The following PHLDB1 variants were observed in gnomAD, a reference collection of about 807,000 sequenced individuals.
PHLDB1 encodes pleckstrin homology-like domain family B member 1.
Under a neutral mutation model 139.3 loss-of-function variants are expected in PHLDB1, and 65 were observed. That is an observed-to-expected ratio of 0.47 (90% CI 0.38 to 0.57). The LOEUF (loss-of-function observed/expected upper bound fraction) is 0.57. PHLDB1 is among the 20% of genes least tolerant of loss of function. The probability of loss-of-function intolerance (pLI) is 0.00; values close to 1 mark genes in which losing one functional copy is unlikely to be tolerated. For synonymous variants in PHLDB1, 679 were observed against 734.5 expected (o/e 0.92, Z 1.22); for missense variants, 1,624 against 1,839.7 (o/e 0.88, Z 2.14).
intron 6 of PHLDB1, among the ~76,000 whole-genome samples, chr11:118,630,253 A>G (rs934788529): frequency 6.6e-6 from 1 of 152,140 alleles, no homozygotes; most frequent in African/African-American, 2.4e-5. Flanking sequence ...GGAAAAGGCA[A>G]CAAAGACCAG....
In PHLDB1 at chr11:118,628,058, G is replaced by T; in HGVS notation, c.1235G>T (p.Ser412Ile). ...AGCCCTTTCCGTGAGCCTCCAGGCA[G>T]TGAGCGGGTGCTAACAACCAGCCCC... is the stretch of plus-strand genomic sequence containing the variant. The part of the protein sequence containing the change: ...PPSPFREPPG[S>I]ERVLTTSPSR... Residue 412 changes from serine to isoleucine, a missense_variant, in exon 6 of 23, where the codon AGT becomes ATT. Physicochemically the swap from Ser to Ile is moderately radical, Grantham distance 142. Transcript: ENST00000600882. 1 of 1,614,018 alleles carries T rather than the reference G, an allele frequency of 6.2e-7. No homozygotes were observed. Among genetic ancestry groups the T allele is most frequent in the Non-Finnish European group, 8.5e-7 (1 of 1,180,014 alleles).
intron 1 of PHLDB1, among the ~76,000 whole-genome samples, chr11:118,612,376 A>G (rs1156232379): frequency 6.6e-6 from 1 of 151,882 alleles, no homozygotes. Context: ...CCCATTCCCA[A>G]CCCACTCTCT....
intron 3 of PHLDB1, chr11:118,615,194 C>CAAAAAAAAAA (rs71041841): frequency 9.2e-5 from 6 of 65,558 alleles, no homozygotes; most frequent in East Asian, 4.5e-4. Context: ...GACTCTATCT[C>CAAAAAAAAAA]AAAAAAAAAA....
Position 118,632,980 on chromosome 11 carries a change from A to G in PHLDB1, c.2379+684A>G, listed in dbSNP as rs1258629784. Reference sequence around the variant, plus strand: ...GCCCTCAATTTTGAGAATCTTAAAAATTCTTTGACCCTTTTTTTTTTTTTT... The same window carrying G: ...GCCCTCAATTTTGAGAATCTTAAAAGTTCTTTGACCCTTTTTTTTTTTTTT... On this transcript the variant is annotated intron_variant, in intron 9 of 22. Coordinates refer to ENST00000600882, the MANE Select transcript of PHLDB1 (RefSeq NM_001144758.3). The surrounding 1 kb of genome is among the most constrained non-coding windows in gnomAD (Gnocchi z 5.9). The G allele has an allele frequency of 1.5e-5, 5 of 324,090 alleles. No individual in the cohort carries two copies. The highest frequency in any genetic ancestry group is 2.3e-5 in the African/African-American group (1 of 43,084). 20.1% of individuals were successfully genotyped at this position (324,090 alleles called of 1,614,324 possible).
At chr11:118,618,645 A>G (rs1407891971) in intron 4 of PHLDB1, among the ~76,000 whole-genome samples, 3 of 152,014 alleles carry the variant, frequency 2.0e-5, no homozygotes, top group African/African-American at 7.2e-5. Context: ...TCCTATGTGT[A>G]TATGAGACCC....
In PHLDB1 at chr11:118,625,022, G is replaced by C. The variant is rs782198030; in HGVS notation, c.444G>C (p.Gly148=). ...AKWMKSMIPA[G]GRAPGPPYSP... Reference sequence around the variant, plus strand: ...GGATGAAAAGCATGATTCCAGCAGGGGGCCGAGCCCCTGGGCCCCCCTACA... The same window carrying C: ...GGATGAAAAGCATGATTCCAGCAGGCGGCCGAGCCCCTGGGCCCCCCTACA... Residue 148 remains glycine (G), a synonymous_variant, in exon 5 of 23, where the codon GGG becomes GGC. Transcript: ENST00000600882. 7.4e-6 allele frequency: 12 copies of C among 1,613,498 alleles called. No homozygotes were observed. Among genetic ancestry groups the C allele is most frequent in the Non-Finnish European group, 1.0e-5 (12 of 1,179,594 alleles).
rs531715643 is a variant in PHLDB1, at chr11:118,627,728, G to A, written c.905G>A (p.Arg302His). The change falls in exon 6 of 23, where the codon CGC (arginine) becomes CAC (histidine). Residue 302 changes from arginine (R) to histidine (H), a missense_variant. Transcript: ENST00000600882. The stretch of plus-strand genomic sequence containing the variant: ...CTGGCCCTACAGCCCCCACAGTCCC[G>A]CCCAAGTGGTGCTCGCTCCGAGAGT... ...YHLALQPPQS[R>H]PSGARSESPR... The A allele has an allele frequency of 3.1e-6, 5 of 1,609,562 alleles. No individual in the cohort carries two copies. In the South Asian group the frequency reaches 3.3e-5, roughly 11 times the overall value.
At chr11:118,635,630 ACTTCGT>A in intron 10 of PHLDB1, 82 bp downstream of exon 10, 1 of 1,261,180 alleles carries the variant, frequency 7.9e-7, no homozygotes, top group Non-Finnish European at 1.1e-6. Context: ...ACAAAAGTTA[ACTTCGT>A]CTTTTGTGCC....
rs1555087047 is a variant in PHLDB1, at chr11:118,614,582, G to C, written c.84G>C (p.Glu28Asp). Residue 28 changes from glutamate (E) to aspartate (D), a missense_variant, in exon 3 of 23, where the codon GAG becomes GAC. Physicochemically the swap from Glu to Asp is conservative, Grantham distance 45 (BLOSUM62 2). Transcript: ENST00000600882. ...MVQKGPLDLIETGKGLKVQTD... is the reference protein window; with the variant it reads ...MVQKGPLDLIDTGKGLKVQTD... ...AGAAAGGACCCTTGGACCTGATCGA[G>C]ACAGGCAAAGGGCTGAAAGTGCAAA... 1.2e-6 allele frequency: 2 copies of C among 1,613,840 alleles called. No individual in the cohort carries two copies. Among genetic ancestry groups the C allele is most frequent in the Non-Finnish European group, 1.7e-6 (2 of 1,179,934 alleles).
In PHLDB1 at chr11:118,627,192, C is replaced by T. The variant is rs945414200; in HGVS notation, c.482-113C>T. The T allele has an allele frequency of 1.6e-5, 17 of 1,064,378 alleles. No individual in the cohort carries two copies. In the African/African-American group the frequency reaches 2.6e-4, roughly 16 times the overall value. The allele number at this position is 1,064,378 out of a possible 1,614,324, so 65.9% of individuals were successfully genotyped here. A position where few individuals can be genotyped will look rare whatever the true frequency, so the allele number is the denominator to read the frequency against. ...CTGGTACCAGAACCACATCTCCTGGCTTCTTCTCCAGAGCCTTGTTAGCCT... is the reference window on the plus strand; with the variant it reads ...CTGGTACCAGAACCACATCTCCTGGTTTCTTCTCCAGAGCCTTGTTAGCCT... On this transcript the variant is annotated intron_variant, in intron 5 of 22. Transcript: ENST00000600882.
chr11:118,643,802 T>G lies in PHLDB1; in HGVS notation c.2880T>G (p.Val960=), dbSNP rs782698751. 6 of 1,613,964 alleles carry G rather than the reference T, an allele frequency of 3.7e-6. No individual in the cohort carries two copies. Among genetic ancestry groups the G allele is most frequent in the Non-Finnish European group, 5.1e-6 (6 of 1,179,994 alleles). The change falls in exon 14 of 23, where the codon GTT becomes GTG. Residue 960 remains valine, a splice_region_variant and synonymous_variant. Coordinates refer to ENST00000600882, the MANE Select transcript of PHLDB1 (RefSeq NM_001144758.3). ...LPAKASRQLQ[V]YRSKMDGEAT... is the part of the protein sequence containing the mutation. ...TGGGCACTATCTTTTCTTTCCAGGT[T>G]TACCGCTCCAAGATGGATGGCGAGG...
rs1031142683 is a variant in PHLDB1 at position 118,610,380 on chromosome 11, C to T, written c.-22+2681C>T. On this transcript the variant is annotated intron_variant, in intron 1 of 22. Transcript: ENST00000600882. The surrounding 1 kb of genome is among the most constrained non-coding windows in gnomAD (Gnocchi z 8.7). The stretch of plus-strand genomic sequence containing the variant: ...AGTTTCCTTCCCTTCCTGACTCCTT[C>T]CTCTGACGGCGGCCCTTTCTCGAGG... 5.7e-6 allele frequency: 5 copies of T among 875,062 alleles called. No individual in the cohort carries two copies. The highest frequency in any genetic ancestry group is 6.9e-6 in the Non-Finnish European group (5 of 728,948). 54.2% of individuals were successfully genotyped at this position (875,062 alleles called of 1,614,324 possible). A position where few individuals can be genotyped will look rare whatever the true frequency, so the allele number is the denominator to read the frequency against.
intron 20 of PHLDB1, chr11:118,654,707 C>A (rs1458078782): frequency 2.2e-5 from 2 of 89,386 alleles, no homozygotes; most frequent in Non-Finnish European, 4.2e-5. Context: ...ATATTTCTTT[C>A]TTTCTCTTTT....
At position 118,608,381 on chromosome 11, in the gene PHLDB1, C is replaced by T. The variant is rs1555080608; in HGVS notation, c.-22+682C>T. Among the ~76,000 whole-genome samples, 1 of 152,170 alleles carries T rather than the reference C, an allele frequency of 6.6e-6. No individual in the cohort carries two copies. The highest frequency in any genetic ancestry group is 2.4e-5 in the African/African-American group (1 of 41,448). On this transcript the variant is annotated intron_variant, in intron 1 of 22. Transcript: ENST00000600882. The surrounding 1 kb of genome is among the most constrained non-coding windows in gnomAD (Gnocchi z 6.7). ...CCTATTGGAATCCCTAGCGGAGTTC[C>T]CCGAGCGGAGGCTGACCCAAGTCAT...
chr11:118,645,432 G>A lies in PHLDB1; in HGVS notation c.3198G>A (p.Gln1066=). 6.4e-7 allele frequency: 1 copy of A among 1,573,240 alleles called. No individual in the cohort carries two copies. The highest frequency in any genetic ancestry group is 8.6e-7 in the Non-Finnish European group (1 of 1,162,170). ...KQKAAAEAQC[Q]WDALHGAAPF... Reference sequence around the variant, plus strand: ...AAGCGGCAGCTGAGGCACAGTGCCAGTGGGATGCCCTTCACGGGGCAGCAC... The same window carrying A: ...AAGCGGCAGCTGAGGCACAGTGCCAATGGGATGCCCTTCACGGGGCAGCAC... Residue 1066 remains glutamine, a synonymous_variant, in exon 16 of 23, where the codon CAG becomes CAA. Transcript: ENST00000600882. The surrounding 1 kb of genome is among the most constrained non-coding windows in gnomAD (Gnocchi z 5.1).
At chr11:118,614,740 C>T in intron 3 of PHLDB1, 58 bp downstream of exon 3, 4 of 1,566,184 alleles carry the variant, frequency 2.6e-6, no homozygotes, top group Non-Finnish European at 2.6e-6. Flanking sequence ...GCATTCCTGC[C>T]CTGGAGGCCC....
At chr11:118,622,776 T>G (rs1943083252) in intron 4 of PHLDB1, among the ~76,000 whole-genome samples, 1 of 152,156 alleles carries the variant, frequency 6.6e-6, no homozygotes, top group Non-Finnish European at 1.5e-5. Context: ...TTGACAGGGC[T>G]CTTTCTGAAA....
In PHLDB1 at chr11:118,627,664, G is replaced by A. The variant is rs370289956; in HGVS notation, c.841G>A (p.Val281Met). 5.0e-6 allele frequency: 8 copies of A among 1,611,374 alleles called. No individual in the cohort carries two copies. Among genetic ancestry groups the A allele is most frequent in the Non-Finnish European group, 6.8e-6 (8 of 1,180,034 alleles). ...CAGTGGGCAAGAGCCAGGACCTTCT[G>A]TGCCCCCGCTGGTACCTGCCCGTTC... is the stretch of plus-strand genomic sequence containing the variant. Reference protein sequence around the residue: ...SPSGQEPGPSVPPLVPARSSS... With the variant: ...SPSGQEPGPSMPPLVPARSSS... The change falls in exon 6 of 23, where the codon GTG (valine) becomes ATG (methionine). Residue 281 changes from valine (V) to methionine (M), a missense_variant. Physicochemically the swap from Val to Met is conservative, Grantham distance 21 (BLOSUM62 1). Coordinates refer to ENST00000600882, the MANE Select transcript of PHLDB1 (RefSeq NM_001144758.3).
Position 118,628,618 on chromosome 11 carries a change from G to C in PHLDB1, c.1795G>C (p.Glu599Gln). 1 of 1,612,314 alleles carries C rather than the reference G, an allele frequency of 6.2e-7. No homozygotes were observed. Among genetic ancestry groups the C allele is most frequent in the Non-Finnish European group, 8.5e-7 (1 of 1,179,732 alleles). The change falls in exon 6 of 23, where the codon GAG (glutamate) becomes CAG (glutamine). Residue 599 changes from glutamate to glutamine, a missense_variant. Glu to Gln is a conservative substitution (Grantham distance 29). Transcript: ENST00000600882. ...GGAGTACCACCGGCGACAGCGCCAA[G>C]AGCGGCTCCGGGAGCAGGAGATGGA... ...LLEYHRRQRQ[E>Q]RLREQEMERL...
Sources: gnomAD v4.1 joint callset for allele counts (sites outside exome capture counted in the v4.1 genomes callset) on GRCh38, gnomAD v4.1.1 for gene constraint, Gnocchi (gnomAD v3.1) non-coding constraint, MANE v1.5 for transcripts, NCBI Gene and HGNC (gene_info 2026-07-23, HGNC 2026-07-21) for gene names.